Variants in MAST2 observed in about 807,000 individuals in gnomAD.
MAST2 encodes microtubule-associated serine/threonine-protein kinase 2.
MAST2 carries 70 observed loss-of-function variants against 147.4 expected under a neutral mutation model. The observed-to-expected ratio is 0.47, with a 90% CI of 0.39 to 0.58. The LOEUF (loss-of-function observed/expected upper bound fraction) is 0.58, where lower values mean the gene tolerates loss of function less well. Ranked by LOEUF, MAST2 falls within the 20% of genes least tolerant of loss-of-function variation. The pLI, the probability that MAST2 is intolerant of heterozygous loss-of-function variation, is 0.00. For synonymous variants in MAST2, 869 were observed against 896.8 expected (o/e 0.97, Z 0.55); for missense variants, 2,080 against 2,302.3 (o/e 0.90, Z 1.98).
chr1:45,937,966 T>A (rs1405287946), intron 4 of MAST2, among the ~76,000 whole-genome samples: 1 of 152,182 alleles, frequency 6.6e-6, no homozygotes, highest in Non-Finnish European at 1.5e-5. Context: ...TGTACCCACC[T>A]GTAGTTAATC....
At chr1:45,897,868 G>A (rs113992737) in intron 4 of MAST2, among the ~76,000 whole-genome samples, 28,393 of 151,738 alleles carry the variant, frequency 0.19, 3,256 homozygotes, top group Non-Finnish European at 0.26. Context: ...ACTTTGGGAG[G>A]CCAAGGCAGG....
chr1:45,886,313 T>TACACACACACAC (rs56032969), intron 4 of MAST2, among the ~76,000 whole-genome samples: 1 of 145,568 alleles, frequency 6.9e-6, no homozygotes, highest in African/African-American at 2.5e-5. Context: ...TATCTATAAG[T>TACACACACACAC]ACACACACAC....
chr1:45,931,785 T>A (rs1384756929), intron 4 of MAST2, among the ~76,000 whole-genome samples: 5 of 151,432 alleles, frequency 3.3e-5, no homozygotes, highest in Admixed American at 3.3e-4. Flanking sequence ...TGAGCCACCA[T>A]GCCCAGTCCC....
At chr1:45,873,181 T>C (rs1297848197) in intron 3 of MAST2, among the ~76,000 whole-genome samples, 2 of 145,048 alleles carry the variant, frequency 1.4e-5, no homozygotes, top group African/African-American at 5.3e-5. Context: ...ATGCAGTTTC[T>C]TCTTCCTATT....
intron 4 of MAST2, among the ~76,000 whole-genome samples, chr1:45,916,756 C>T (rs1392329406): frequency 6.6e-6 from 1 of 152,066 alleles, no homozygotes; most frequent in African/African-American, 2.4e-5. Flanking sequence ...AGTAAATTTG[C>T]AGTGTTTGGT....
At chr1:45,997,070 A>G (rs1645085952) in intron 5 of MAST2, among the ~76,000 whole-genome samples, 1 of 152,194 alleles carries the variant, frequency 6.6e-6, no homozygotes, top group African/African-American at 2.4e-5. Context: ...TTTAAGAACC[A>G]TTGGGATTAA....
intron 3 of MAST2, among the ~76,000 whole-genome samples, chr1:45,834,261 G>T (rs543118964): frequency 6.6e-6 from 1 of 152,136 alleles, no homozygotes; most frequent in East Asian, 1.9e-4. Context: ...GTAACAAAAG[G>T]GGGCAAGAAT....
At chr1:45,908,831 C>T (rs1651197760) in intron 4 of MAST2, among the ~76,000 whole-genome samples, 1 of 152,114 alleles carries the variant, frequency 6.6e-6, no homozygotes, top group African/African-American at 2.4e-5. Context: ...GAAAATTGCT[C>T]CCAGGCAGCT....
At chr1:45,963,443 C>T (rs916928644) in intron 5 of MAST2, among the ~76,000 whole-genome samples, 2 of 152,118 alleles carry the variant, frequency 1.3e-5, no homozygotes, top group African/African-American at 4.8e-5. Context: ...TTTCATTGAG[C>T]AGTGGTTTAT....
At chr1:45,985,941 C>T (rs911151308) in intron 5 of MAST2, among the ~76,000 whole-genome samples, 1 of 152,108 alleles carries the variant, frequency 6.6e-6, no homozygotes, top group African/African-American at 2.4e-5. Flanking sequence ...GATCTTTTAT[C>T]CTGCAGCCTT....
chr1:45,982,358 C>T (rs1341822122), intron 5 of MAST2, among the ~76,000 whole-genome samples: 2 of 152,116 alleles, frequency 1.3e-5, no homozygotes, highest in Non-Finnish European at 1.5e-5. Context: ...TCGTAGTGGG[C>T]CCCTGGATAG....
intron 5 of MAST2, among the ~76,000 whole-genome samples, chr1:45,979,471 C>T (rs921146674): frequency 6.6e-6 from 1 of 150,438 alleles, no homozygotes; most frequent in African/African-American, 2.4e-5. Context: ...CAGTTATTGC[C>T]ATCCTTAAGG....
intron 5 of MAST2, among the ~76,000 whole-genome samples, chr1:45,980,996 C>CTT (rs1175154445): frequency 6.6e-6 from 1 of 152,128 alleles, no homozygotes; most frequent in Non-Finnish European, 1.5e-5. Context: ...CAGAGCTGGC[C>CTT]AAACAGGAGA....
chr1:45,812,383 A>G (rs959116911), intron 1 of MAST2, among the ~76,000 whole-genome samples: 2 of 147,296 alleles, frequency 1.4e-5, no homozygotes, highest in African/African-American at 2.5e-5. Flanking sequence ...TTTTCCCATC[A>G]TTGTTCTGGA....
At position 46,024,026 on chromosome 1, in the gene MAST2, G is replaced by C. The variant is rs747707735; in HGVS notation, c.1780+46G>C. 6 of 1,584,332 alleles carry C rather than the reference G, an allele frequency of 3.8e-6. No individual in the cohort carries two copies. In the East Asian group the frequency reaches 1.3e-4, roughly 35 times the overall value. On this transcript the variant is annotated intron_variant, in intron 15 of 28. Coordinates refer to ENST00000361297, the MANE Select transcript of MAST2 (RefSeq NM_015112.3). ...TGGCATGGAGGCCAAGGCACAGTCT[G>C]AGACTTAGCCTTAAACAGGGACCAG...
chr1:45,997,962 A>G (rs945323792), intron 6 of MAST2, among the ~76,000 whole-genome samples, 163 bp downstream of exon 6: 3 of 152,188 alleles, frequency 2.0e-5, no homozygotes. Context: ...CCTAGGTTGT[A>G]ATGATCGTGT....
At position 46,035,353 on chromosome 1, in the gene MAST2, C is replaced by T; in HGVS notation, c.4684C>T (p.Leu1562=). The T allele has an allele frequency of 6.2e-7, 1 of 1,613,662 alleles. No individual in the cohort carries two copies. Among genetic ancestry groups the T allele is most frequent in the Non-Finnish European group, 8.5e-7 (1 of 1,179,830 alleles). ...GAGCCTGGGCCCAATGGTCCCAAGC[C>T]TATTGACAGGGATCACACTGGGGCC... The part of the protein sequence containing the change: ...PRSLGPMVPS[L]LTGITLGPPR... Residue 1562 remains leucine (L), a synonymous_variant, in exon 29 of 29, where the codon CTA becomes TTA. Transcript: ENST00000361297. The surrounding 1 kb of genome is among the most constrained non-coding windows in gnomAD (Gnocchi z 5.5).
intron 1 of MAST2, among the ~76,000 whole-genome samples, chr1:45,805,380 C>T (rs12411269): frequency 0.44 from 67,467 of 151,982 alleles, 15,186 homozygotes; most frequent in East Asian, 0.62. Context: ...CTTTTCCCCC[C>T]TTTTGTTCTT....
chr1:45,996,046 C>T (rs1645042447), intron 5 of MAST2, among the ~76,000 whole-genome samples: 1 of 151,476 alleles, frequency 6.6e-6, no homozygotes, highest in Non-Finnish European at 1.5e-5. Flanking sequence ...TTGAAGTTGT[C>T]CTACAGCTCA....
Sources: allele counts gnomAD v4.1 joint callset (sites outside exome capture counted in the v4.1 genomes callset), GRCh38; gene constraint gnomAD v4.1.1; non-coding constraint Gnocchi (gnomAD v3.1); transcripts MANE v1.5; gene names NCBI Gene and HGNC (gene_info 2026-07-23, HGNC 2026-07-21).